The following MPND variants were observed in gnomAD, a reference collection of about 807,000 sequenced individuals.
MPND encodes the protein MPN domain containing.
Under a neutral mutation model 59.2 loss-of-function variants are expected in MPND, and 56 were observed. The ratio of observed to expected loss-of-function variants is 0.95; its 90% CI spans 0.76 to 1.18. The LOEUF (loss-of-function observed/expected upper bound fraction) is 1.18, where lower values mean the gene tolerates loss of function less well. MPND is among the 50% of genes most tolerant of loss of function. The pLI, the probability that MPND is intolerant of heterozygous loss-of-function variation, is 0.00. For synonymous variants in MPND, 323 were observed against 291.9 expected (o/e 1.11, Z -1.09); for missense variants, 671 against 676.0 (o/e 0.99, Z 0.08).
chr19:4,349,603 T>G (rs59677849), intron 3 of MPND, among the ~76,000 whole-genome samples: 1 of 151,742 alleles, frequency 6.6e-6, no homozygotes, highest in Non-Finnish European at 1.5e-5. Context: ...CTCCGCCTCT[T>G]GGGTTCAGGC....
In MPND at chr19:4,354,736, C is replaced by T. The variant is rs563938304; in HGVS notation, c.847-213C>T. Among the ~76,000 whole-genome samples, 19 of 152,284 alleles carry T rather than the reference C, an allele frequency of 1.2e-4. No homozygotes were observed. In the South Asian group the frequency reaches 3.9e-3, roughly 32 times the overall value. On this transcript the variant is annotated intron_variant, in intron 6 of 12. Transcript: ENST00000599840. ...AAAATTAGCTGGGCATGGTGGTGCA[C>T]GCCTCTAATCCCAGCTACCTGAGAG...
chr19:4,346,676 C>G (rs1026288474), intron 3 of MPND, among the ~76,000 whole-genome samples: 2 of 152,062 alleles, frequency 1.3e-5, no homozygotes, highest in Non-Finnish European at 2.9e-5. Flanking sequence ...CTGGACTTCC[C>G]AAAGTGTTGG....
chr19:4,359,105 C>CCCCCTGGGCAGCCTAAAA, intron 11 of MPND, 58 bp from the exon 12 acceptor site: 1 of 1,209,364 alleles, frequency 8.3e-7, no homozygotes, highest in Non-Finnish European at 1.2e-6. Context: ...CCAGGAGAGG[C>CCCCCTGGGCAGCCTAAAA]GCTGAGGTAC....
intron 6 of MPND, 26 bp downstream of exon 6, chr19:4,354,446 C>T: frequency 1.3e-6 from 2 of 1,544,816 alleles, no homozygotes; most frequent in Middle Eastern, 1.7e-4. Flanking sequence ...TGTCTAGGGG[C>T]AAGGGGCTCC....
At chr19:4,358,752 G>A (rs527756531) in intron 11 of MPND, among the ~76,000 whole-genome samples, 29 of 152,268 alleles carry the variant, frequency 1.9e-4, no homozygotes, top group African/African-American at 4.8e-4. Context: ...ACGCCACTGC[G>A]CTCCAGTCTG....
chr19:4,356,432 C>T (rs1262150263), intron 8 of MPND, among the ~76,000 whole-genome samples: 4 of 152,114 alleles, frequency 2.6e-5, no homozygotes, highest in African/African-American at 9.7e-5. Context: ...GTAGTCCCAT[C>T]TATTTGAGAG....
chr19:4,346,039 C>T, intron 3 of MPND, 58 bp downstream of exon 3: 1 of 1,442,286 alleles, frequency 6.9e-7, no homozygotes, highest in Non-Finnish European at 9.6e-7. Flanking sequence ...TGAGGGGTGC[C>T]CAGCCTGGCA....
At chr19:4,357,958 T>C in intron 10 of MPND, 125 bp from the exon 11 acceptor site, 6 of 743,458 alleles carry the variant, frequency 8.1e-6, no homozygotes, top group Non-Finnish European at 1.4e-5. Context: ...CAGGTGCCGA[T>C]CCCGGTGCAG....
At chr19:4,355,686 G>C (rs1408700105) in intron 8 of MPND, among the ~76,000 whole-genome samples, 1 of 151,678 alleles carries the variant, frequency 6.6e-6, no homozygotes, top group South Asian at 2.1e-4. Flanking sequence ...GGTCAGGATG[G>C]TCTTGATCTC....
chr19:4,346,020 A>G (rs747799992), intron 3 of MPND, 39 bp downstream of exon 3: 1 of 1,561,244 alleles, frequency 6.4e-7, no homozygotes, highest in South Asian at 1.1e-5. Context: ...CGCCCAGGTC[A>G]CTGTGGAATG....
At chr19:4,346,578 G>A (rs1002411071) in intron 3 of MPND, among the ~76,000 whole-genome samples, 3 of 151,672 alleles carry the variant, frequency 2.0e-5, no homozygotes, top group African/African-American at 2.4e-5. Context: ...CACCACACCC[G>A]GCTAATTTTT....
At chr19:4,349,659 C>T (rs11881539) in intron 3 of MPND, among the ~76,000 whole-genome samples, 3 of 151,862 alleles carry the variant, frequency 2.0e-5, no homozygotes, top group Admixed American at 1.3e-4. Context: ...TACAGATGCC[C>T]ACTACCATGC....
rs770679339 is a variant in MPND at position 4,357,551 on chromosome 19, A to C, written c.1202A>C (p.Lys401Thr). ...TCTGGCAACCCAGGCCCCGAGTCCA[A>C]GATCTCACCTTTCTGGGTGATGCCT... Reference protein sequence around the residue: ...YYSGNPGPESKISPFWVMPPP... With the variant: ...YYSGNPGPESTISPFWVMPPP... The change falls in exon 10 of 13, where the codon AAG becomes ACG. Residue 401 changes from lysine (K) to threonine (T), a missense_variant. Physicochemically the swap from Lys to Thr is moderately conservative, Grantham distance 78. Transcript: ENST00000599840. 2 of 1,613,530 alleles carry C rather than the reference A, an allele frequency of 1.2e-6. No individual in the cohort carries two copies. The highest frequency in any genetic ancestry group is 1.7e-6 in the Non-Finnish European group (2 of 1,179,842).
intron 3 of MPND, among the ~76,000 whole-genome samples, chr19:4,347,535 A>G (rs1233884979): frequency 1.3e-5 from 2 of 152,066 alleles, no homozygotes; most frequent in Middle Eastern, 3.4e-3. Context: ...CACCGCGCCC[A>G]GCTGCCTGTA....
chr19:4,344,076 A>G, intron 2 of MPND, 82 bp downstream of exon 2: 1 of 1,055,714 alleles, frequency 9.5e-7, no homozygotes, highest in Non-Finnish European at 1.2e-6. Context: ...GCTGCAGGAC[A>G]AGCTTCAGTG....
Position 4,354,896 on chromosome 19 carries a change from T to C in MPND, c.847-53T>C, listed in dbSNP as rs956538723. On this transcript the variant is annotated intron_variant, in intron 6 of 12. Coordinates refer to ENST00000599840, the MANE Select transcript of MPND (RefSeq NM_001300862.2). ...ATGAGGGCACAGGCTGGCTCCAGTG[T>C]TGGGGCAGGGCCACAGCCTGAGCCA... 4 of 1,509,532 alleles carry C rather than the reference T, an allele frequency of 2.6e-6. No homozygotes were observed. In the East Asian group the frequency reaches 9.1e-5, roughly 34 times the overall value. 93.5% of individuals were successfully genotyped at this position (1,509,532 alleles called of 1,614,324 possible). A position where few individuals can be genotyped will look rare whatever the true frequency, so the allele number is the denominator to read the frequency against.
At chr19:4,357,816 C>A (rs796618631) in intron 10 of MPND, 12 of 609,200 alleles carry the variant, frequency 2.0e-5, no homozygotes, top group Non-Finnish European at 2.9e-5. Context: ...CCCTTCCTGA[C>A]CCTGCCTGGC....
chr19:4,346,426 C>CT (rs959979486), intron 3 of MPND, among the ~76,000 whole-genome samples: 15 of 150,830 alleles, frequency 9.9e-5, no homozygotes, highest in Non-Finnish European at 1.8e-4. Flanking sequence ...TAGTTTTTTT[C>CT]TTTTTTTTTG....
chr19:4,352,189 A>T (rs970929705), intron 3 of MPND, among the ~76,000 whole-genome samples: 21 of 152,054 alleles, frequency 1.4e-4, no homozygotes, highest in African/African-American at 4.8e-4. Context: ...AAAAAAAAAG[A>T]TAAAAGAATA....
Sources: gnomAD v4.1 joint callset for allele counts (sites outside exome capture counted in the v4.1 genomes callset) on GRCh38, gnomAD v4.1.1 for gene constraint, MANE v1.5 for transcripts, NCBI Gene and HGNC (gene_info 2026-07-23, HGNC 2026-07-21) for gene names.